Variants in KANSL3 observed in about 807,000 individuals in gnomAD.
The protein encoded by KANSL3 is NSL complex protein NSL3.
KANSL3 carries 16 observed loss-of-function variants against 89.2 expected under a neutral mutation model. The observed-to-expected ratio is 0.18, with a 90% CI of 0.12 to 0.27. The LOEUF (loss-of-function observed/expected upper bound fraction) is 0.27. Among genes scored for constraint, KANSL3 ranks in the 10% least tolerant of loss-of-function variants. KANSL3 has a pLI of 1.00. For missense variants in KANSL3, 879 were observed against 1,110.6 expected (o/e 0.79, Z 2.96); for synonymous variants, 385 against 419.7 (o/e 0.92, Z 1.01).
chr2:96,617,624 GA>G (rs1378690691), intron 5 of KANSL3, among the ~76,000 whole-genome samples: 1 of 151,824 alleles, frequency 6.6e-6, no homozygotes, highest in African/African-American at 2.4e-5. Flanking sequence ...AATTTGGGAG[GA>G]CAAGATGGGA....
chr2:96,604,461 G>C (rs1258684082), intron 16 of KANSL3, 81 bp from the exon 17 acceptor site: 2 of 1,492,760 alleles, frequency 1.3e-6, no homozygotes, highest in Non-Finnish European at 1.8e-6. Flanking sequence ...TACAGAGTGG[G>C]GCCCAGCAAG....
At chr2:96,603,029 G>A (rs975086667) in intron 17 of KANSL3, among the ~76,000 whole-genome samples, 167 bp from the exon 18 acceptor site, 3 of 152,148 alleles carry the variant, frequency 2.0e-5, no homozygotes, top group Admixed American at 6.5e-5. Context: ...AGGCACACAC[G>A]CAATGGATGC....
downstream of KANSL3, among the ~76,000 whole-genome samples, chr2:96,592,687 G>A (rs2066298988): frequency 1.3e-5 from 2 of 152,164 alleles, no homozygotes; most frequent in Non-Finnish European, 2.9e-5. Flanking sequence ...TGACTGCTCT[G>A]TGCCTGTTTC....
chr2:96,627,866 T>A (rs1189524158), intron 3 of KANSL3: 4 of 1,269,948 alleles, frequency 3.1e-6, no homozygotes, highest in Non-Finnish European at 4.1e-6. Flanking sequence ...TATCTGAAAC[T>A]GAAACTAATA....
chr2:96,583,969 C>A, the KANSL3 span, among the ~76,000 whole-genome samples: 1 of 152,180 alleles, frequency 6.6e-6, no homozygotes, highest in Non-Finnish European at 1.5e-5. Flanking sequence ...ACCAGTGATA[C>A]TGAAAACTCT....
At chr2:96,603,171 A>G in intron 17 of KANSL3, 1 of 257,810 alleles carries the variant, frequency 3.9e-6, no homozygotes, top group South Asian at 1.0e-4. Context: ...AGAACTTTTT[A>G]AGCCAAAAGA....
rs373231039 is a variant in KANSL3, at chr2:96,619,777, C to G, written c.387-15G>C. 1.1e-4 allele frequency: 170 copies of G among 1,547,670 alleles called. No homozygotes were observed. The highest frequency in any genetic ancestry group is 1.4e-4 in the Non-Finnish European group (158 of 1,143,090). On this transcript the variant is annotated splice_polypyrimidine_tract_variant and intron_variant, in intron 3 of 20. Coordinates refer to ENST00000431828, the MANE Select transcript of KANSL3 (RefSeq NM_001115016.3). ...TCCAGCCAGTCCTATAAGGGAAACT[C>G]TGAGGAATTATAGTCAAACCCTGGG... is the stretch of plus-strand genomic sequence containing the variant.
At position 96,616,688 on chromosome 2, in the gene KANSL3, G is replaced by C. The variant is rs151075537; in HGVS notation, c.663+2671C>G. ...GATGGCAGAGGAACCACTGCGGAGA[G>C]CACAGCCCAGAGAGGATGTTGCCTT... On this transcript the variant is annotated intron_variant, in intron 5 of 20. Coordinates refer to ENST00000431828, the MANE Select transcript of KANSL3 (RefSeq NM_001115016.3). Among the ~76,000 whole-genome samples the C allele has an allele frequency of 4.3e-3, 659 of 152,332 alleles. 7 individuals are homozygous for C. The highest frequency in any genetic ancestry group is 0.015 in the African/African-American group (619 of 41,570).
At chr2:96,637,418 T>C (rs1234296583) in intron 1 of KANSL3, among the ~76,000 whole-genome samples, 3 of 151,968 alleles carry the variant, frequency 2.0e-5, no homozygotes, top group African/African-American at 7.2e-5. Flanking sequence ...GAACTGAAAT[T>C]ACCTAACGGG....
At chr2:96,632,334 G>A (rs1437885777) in intron 2 of KANSL3, among the ~76,000 whole-genome samples, 1 of 151,950 alleles carries the variant, frequency 6.6e-6, no homozygotes, top group African/African-American at 2.4e-5. Context: ...AGGCATGGTG[G>A]TATGCGCCTG....
At chr2:96,597,621 G>A (rs1043011679) in intron 20 of KANSL3, among the ~76,000 whole-genome samples, 1 of 151,742 alleles carries the variant, frequency 6.6e-6, no homozygotes, top group South Asian at 2.1e-4. Context: ...TTATTTTTTT[G>A]AGACAGAGTC....
intron 3 of KANSL3, chr2:96,627,827 G>T: frequency 9.8e-7 from 1 of 1,022,748 alleles, no homozygotes; most frequent in Non-Finnish European, 1.3e-6. Context: ...ACAGGCTACA[G>T]ATTCAGGGAC....
intron 3 of KANSL3, among the ~76,000 whole-genome samples, chr2:96,621,267 G>A (rs1194085449): frequency 6.6e-6 from 1 of 152,202 alleles, no homozygotes; most frequent in Non-Finnish European, 1.5e-5. Context: ...TGTAATCCCA[G>A]CACTTTGGGA....
At chr2:96,600,723 T>C in intron 20 of KANSL3, 1 of 985,360 alleles carries the variant, frequency 1.0e-6, no homozygotes, top group Non-Finnish European at 1.2e-6. Flanking sequence ...CATTTTAAGA[T>C]TAGAAATATT....
At chr2:96,587,072 A>G in the KANSL3 span, among the ~76,000 whole-genome samples, 4 of 152,178 alleles carry the variant, frequency 2.6e-5, no homozygotes, top group African/African-American at 9.7e-5. Context: ...TATGTTGTCC[A>G]CTGTTGCCTT....
At chr2:96,612,680 G>C in intron 7 of KANSL3, 117 bp from the exon 8 acceptor site, 1 of 1,111,136 alleles carries the variant, frequency 9.0e-7, no homozygotes, top group Non-Finnish European at 1.3e-6. Flanking sequence ...GATTAGAGGA[G>C]GCTCCACATG....
intron 6 of KANSL3, 137 bp from the exon 7 acceptor site, chr2:96,613,071 AATT>A: frequency 1.6e-6 from 1 of 634,636 alleles, no homozygotes; most frequent in Non-Finnish European, 2.8e-6. Context: ...ATGTAAAATA[AATT>A]ATTAATAATA....
At chr2:96,627,904 T>C in intron 3 of KANSL3, 11 of 1,289,412 alleles carry the variant, frequency 8.5e-6, no homozygotes, top group South Asian at 1.2e-5. Context: ...AAATCGGCTA[T>C]GTACAAAAGT....
At chr2:96,587,023 A>G in the KANSL3 span, among the ~76,000 whole-genome samples, 1 of 152,208 alleles carries the variant, frequency 6.6e-6, no homozygotes. Context: ...TTAGTCACAT[A>G]TTAACTTATC....
Sources: gnomAD v4.1 joint callset for allele counts (sites outside exome capture counted in the v4.1 genomes callset) on GRCh38, gnomAD v4.1.1 for gene constraint, MANE v1.5 for transcripts, NCBI Gene and HGNC (gene_info 2026-07-23, HGNC 2026-07-21) for gene names.